NALCN: variants seen among roughly 807,000 people sequenced by gnomAD.
NALCN encodes the protein sodium leak channel, non-selective.
Under a neutral mutation model 225.3 loss-of-function variants are expected in NALCN, and 111 were observed. The ratio of observed to expected loss-of-function variants is 0.49; its 90% CI spans 0.42 to 0.58. The LOEUF (loss-of-function observed/expected upper bound fraction) is 0.58. NALCN is among the 20% of genes least tolerant of loss of function. The pLI is 0.00. For synonymous variants in NALCN, 764 were observed against 769.0 expected (o/e 0.99, Z 0.11); for missense variants, 1,378 against 2,202.4 (o/e 0.63, Z 7.49).
At chr13:101,275,591 C>T (rs776316361) in intron 10 of NALCN, among the ~76,000 whole-genome samples, 2 of 152,000 alleles carry the variant, frequency 1.3e-5, no homozygotes, top group Admixed American at 6.6e-5. Flanking sequence ...ACCACAATAG[C>T]GTGTAGTCTC....
At chr13:101,123,148 A>T (rs751357999) in intron 18 of NALCN, among the ~76,000 whole-genome samples, 5 of 152,214 alleles carry the variant, frequency 3.3e-5, no homozygotes, top group African/African-American at 4.8e-5. Context: ...CCTTGCCAGT[A>T]TCTGTTTCTG....
intron 7 of NALCN, among the ~76,000 whole-genome samples, chr13:101,305,130 T>C (rs2044113906): frequency 6.6e-6 from 1 of 152,136 alleles, no homozygotes; most frequent in Non-Finnish European, 1.5e-5. Flanking sequence ...TACCTGACGG[T>C]TTTTATGAAC....
chr13:101,194,275 C>T (rs1043586138), intron 13 of NALCN, among the ~76,000 whole-genome samples: 1 of 152,144 alleles, frequency 6.6e-6, no homozygotes, highest in Non-Finnish European at 1.5e-5. Flanking sequence ...TTCCACACAG[C>T]TCAACCACCT....
intron 13 of NALCN, among the ~76,000 whole-genome samples, chr13:101,192,946 C>T (rs890043673): frequency 8.6e-5 from 13 of 151,988 alleles, no homozygotes; most frequent in South Asian, 2.1e-4. Flanking sequence ...GACTTCAGTA[C>T]GATAAAGACA....
At chr13:101,320,346 A>T (rs1431133320) in intron 7 of NALCN, among the ~76,000 whole-genome samples, 2 of 152,236 alleles carry the variant, frequency 1.3e-5, no homozygotes, top group Admixed American at 6.5e-5. Flanking sequence ...TGTCATTTTA[A>T]GCTGGATTTT....
rs905762085 is a variant in NALCN, at chr13:101,399,635, C to T, written c.-39-470G>A. 3.3e-5 allele frequency among the ~76,000 whole-genome samples: 5 copies of T among 152,098 alleles called. No individual in the cohort carries two copies. The East Asian group carries it at 9.6e-4, about 29-fold the overall frequency. On this transcript the variant is annotated intron_variant, in intron 1 of 43. Coordinates refer to ENST00000251127, the MANE Select transcript of NALCN (RefSeq NM_052867.4). ...CGTCTCTTACTTCCAACAGTAGCCC[C>T]AAGTTGATCTCCCAACTTGGGAGGG...
At chr13:101,403,261 C>T (rs149368721) in intron 1 of NALCN, among the ~76,000 whole-genome samples, 94 of 152,318 alleles carry the variant, frequency 6.2e-4, no homozygotes, top group Non-Finnish European at 1.2e-3. Flanking sequence ...TTGAAGCTTA[C>T]GAACTGCCTA....
intron 3 of NALCN, among the ~76,000 whole-genome samples, chr13:101,391,899 G>A (rs1022944279): frequency 3.3e-5 from 5 of 149,746 alleles, no homozygotes; most frequent in Non-Finnish European, 7.4e-5. Context: ...CAGGAGAATC[G>A]CTTGAACCTG....
intron 18 of NALCN, among the ~76,000 whole-genome samples, chr13:101,114,849 T>C (rs551283597): frequency 3.3e-5 from 5 of 152,322 alleles, no homozygotes; most frequent in African/African-American, 9.6e-5. Context: ...CCCCGTTTAG[T>C]GTCCCTCTAA....
intron 37 of NALCN, 141 bp from the exon 38 acceptor site, chr13:101,068,968 T>C: frequency 1.2e-6 from 1 of 801,802 alleles, no homozygotes; most frequent in Non-Finnish European, 1.8e-6. Flanking sequence ...GCCACATACA[T>C]TGGGTACATC....
chr13:101,369,069 C>A, intron 6 of NALCN: 1 of 310,812 alleles, frequency 3.2e-6, no homozygotes, highest in Non-Finnish European at 6.4e-6. Context: ...AAAGCTATAA[C>A]AGTTGTGATT....
intron 14 of NALCN, among the ~76,000 whole-genome samples, chr13:101,190,226 TTACTA>T (rs2039628618): frequency 6.6e-6 from 1 of 152,194 alleles, no homozygotes; most frequent in East Asian, 1.9e-4. Flanking sequence ...ATTAGGTTGA[TTACTA>T]TAAAATAATT....
At chr13:101,175,317 TAATAA>T (rs2038915984) in intron 15 of NALCN, among the ~76,000 whole-genome samples, 1 of 151,336 alleles carries the variant, frequency 6.6e-6, no homozygotes. Flanking sequence ...AAGGTAAGAG[TAATAA>T]AATGAAATGC....
At chr13:101,314,994 G>A (rs1053506678) in intron 7 of NALCN, among the ~76,000 whole-genome samples, 11 of 1,330 alleles carry the variant, frequency 8.3e-3, no homozygotes, top group Non-Finnish European at 0.016. Flanking sequence ...AGATGCTAAG[G>A]AAGGGCTTAC....
At chr13:101,207,221 C>T (rs1047327217) in intron 13 of NALCN, among the ~76,000 whole-genome samples, 4 of 152,154 alleles carry the variant, frequency 2.6e-5, no homozygotes, top group Admixed American at 2.6e-4. Flanking sequence ...CTGCCACATG[C>T]AATATATCAC....
At chr13:101,065,259 T>G (rs1051921457) in intron 40 of NALCN, 145 bp downstream of exon 40, 5 of 832,796 alleles carry the variant, frequency 6.0e-6, no homozygotes, top group Non-Finnish European at 7.6e-6. Flanking sequence ...ACTTAGCGCC[T>G]GGGACATGTG....
At chr13:101,084,202 G>C (rs2033815651) in intron 30 of NALCN, among the ~76,000 whole-genome samples, 1 of 152,104 alleles carries the variant, frequency 6.6e-6, no homozygotes, top group African/African-American at 2.4e-5. Context: ...AGGGTATGTT[G>C]TCTTTCTTTA....
chr13:101,226,543 G>T (rs1034693160), intron 13 of NALCN, among the ~76,000 whole-genome samples: 1 of 152,190 alleles, frequency 6.6e-6, no homozygotes, highest in African/African-American at 2.4e-5. Context: ...TTTACCCAGT[G>T]AAGGGGCAGA....
intron 13 of NALCN, among the ~76,000 whole-genome samples, chr13:101,212,067 C>G (rs1338292705): frequency 6.6e-6 from 1 of 152,120 alleles, no homozygotes; most frequent in Non-Finnish European, 1.5e-5. Flanking sequence ...CCCTCCATGT[C>G]TGGTTTCCCA....
Sources: allele counts gnomAD v4.1 joint callset (sites outside exome capture counted in the v4.1 genomes callset), GRCh38; gene constraint gnomAD v4.1.1; transcripts MANE v1.5; gene names NCBI Gene and HGNC (gene_info 2026-07-23, HGNC 2026-07-21).